Variants in AGBL4 observed in about 807,000 individuals in gnomAD.
AGBL4 encodes the protein cytosolic carboxypeptidase 6.
Under a neutral mutation model 66.4 loss-of-function variants are expected in AGBL4, and 58 were observed. The observed-to-expected ratio is 0.87, with a 90% CI of 0.71 to 1.09. AGBL4 has a LOEUF of 1.09. AGBL4 is among the 50% of genes least tolerant of loss of function. AGBL4 has a pLI of 0.00. For synonymous variants in AGBL4, 234 were observed against 222.9 expected (o/e 1.05, Z -0.44); for missense variants, 579 against 631.0 (o/e 0.92, Z 0.88).
chr1:49,494,369 C>A (rs1401371255), intron 3 of AGBL4, among the ~76,000 whole-genome samples: 5 of 151,904 alleles, frequency 3.3e-5, no homozygotes, highest in African/African-American at 1.2e-4. Flanking sequence ...TGGTGCGCTG[C>A]ACCCACTAAC....
At chr1:49,783,038 C>A (rs897165790) in intron 2 of AGBL4, among the ~76,000 whole-genome samples, 12 of 151,728 alleles carry the variant, frequency 7.9e-5, no homozygotes, top group Non-Finnish European at 1.6e-4. Flanking sequence ...CAGTACATAG[C>A]AAGAAGGCAC....
rs138184945 is a variant in AGBL4 at position 48,881,933 on chromosome 1, T to G, written c.595-14703A>C. Among the ~76,000 whole-genome samples the G allele has an allele frequency of 3.0e-3, 453 of 152,298 alleles. 2 individuals are homozygous for G. The highest frequency in any genetic ancestry group is 4.5e-3 in the Admixed American group (69 of 15,294). ...GAGGCTTTGAGAAAAGAGAGCCACA[T>G]TGGCTTTGCCTCATGTTCAAAAGGA... On this transcript the variant is annotated intron_variant, in intron 5 of 13. Transcript: ENST00000371839.
chr1:49,525,761 ACT>A (rs1414211536), intron 3 of AGBL4, among the ~76,000 whole-genome samples: 1 of 151,938 alleles, frequency 6.6e-6, no homozygotes, highest in African/African-American at 2.4e-5. Context: ...GTGAGGAGAC[ACT>A]CCACAGAAAC....
intron 4 of AGBL4, among the ~76,000 whole-genome samples, chr1:49,106,796 A>T (rs748254666): frequency 3.9e-5 from 6 of 152,108 alleles, no homozygotes; most frequent in Non-Finnish European, 7.4e-5. Flanking sequence ...TCTATGAAAG[A>T]CCTTAATATC....
intron 3 of AGBL4, among the ~76,000 whole-genome samples, chr1:49,531,873 T>C (rs916341837): frequency 6.6e-6 from 1 of 152,028 alleles, no homozygotes; most frequent in Non-Finnish European, 1.5e-5. Flanking sequence ...TAAGATAACA[T>C]AAAAACACAA....
chr1:49,681,153 G>A (rs759410282), intron 3 of AGBL4, among the ~76,000 whole-genome samples: 2 of 151,858 alleles, frequency 1.3e-5, no homozygotes, highest in Non-Finnish European at 2.9e-5. Context: ...TTTTTATGAT[G>A]GCTGCTTTAA....
intron 4 of AGBL4, among the ~76,000 whole-genome samples, chr1:49,196,911 T>G (rs1231692391): frequency 6.6e-6 from 1 of 152,104 alleles, no homozygotes; most frequent in Non-Finnish European, 1.5e-5. Flanking sequence ...ACTGCAGCCT[T>G]GACTTCCCCA....
In AGBL4 at chr1:49,824,371, C is replaced by T. The variant is rs553331115; in HGVS notation, c.157+27025G>A. Among the ~76,000 whole-genome samples the T allele has an allele frequency of 2.6e-5, 4 of 152,284 alleles. No individual in the cohort carries two copies. In the East Asian group the frequency reaches 7.7e-4, roughly 29 times the overall value. On this transcript the variant is annotated intron_variant, in intron 2 of 13. Coordinates refer to ENST00000371839, the MANE Select transcript of AGBL4 (RefSeq NM_032785.4). ...GCAACCTCTGTCCAAGGTAAAGATT[C>T]CTGCATTACAGTTAACAAGTGTTTA...
intron 3 of AGBL4, among the ~76,000 whole-genome samples, chr1:49,502,337 T>C (rs940962344): frequency 6.6e-6 from 1 of 152,148 alleles, no homozygotes. Flanking sequence ...TACTCCTTAA[T>C]AAACTCCTCT....
intron 3 of AGBL4, among the ~76,000 whole-genome samples, chr1:49,419,529 T>C (rs1380300457): frequency 6.6e-6 from 1 of 152,334 alleles, no homozygotes; most frequent in East Asian, 1.9e-4. Context: ...GGATCCCTGC[T>C]GATATCTTCT....
intron 3 of AGBL4, among the ~76,000 whole-genome samples, chr1:49,412,107 T>A (rs1019138760): frequency 6.6e-6 from 1 of 152,126 alleles, no homozygotes; most frequent in African/African-American, 2.4e-5. Context: ...ATAAAAAAAA[T>A]CTGTAGAAAG....
At chr1:48,654,591 G>A (rs558639360) in intron 7 of AGBL4, among the ~76,000 whole-genome samples, 7 of 152,344 alleles carry the variant, frequency 4.6e-5, no homozygotes, top group African/African-American at 7.2e-5. Context: ...CAAGAAAGGC[G>A]TCAAAAGGAA....
intron 3 of AGBL4, among the ~76,000 whole-genome samples, chr1:49,530,700 A>G (rs983886850): frequency 3.9e-5 from 6 of 152,032 alleles, no homozygotes; most frequent in Admixed American, 2.0e-4. Context: ...GCTTCTTGGG[A>G]CTTAGGGATT....
chr1:49,399,435 G>A (rs1221724105), intron 3 of AGBL4, among the ~76,000 whole-genome samples: 1 of 152,054 alleles, frequency 6.6e-6, no homozygotes, highest in Non-Finnish European at 1.5e-5. Flanking sequence ...TCTCCATAGT[G>A]GTTGTATTAA....
At chr1:49,950,171 TATACATATGTATATAC>T (rs1026319144) in intron 1 of AGBL4, among the ~76,000 whole-genome samples, 6 of 146,392 alleles carry the variant, frequency 4.1e-5, no homozygotes, top group African/African-American at 1.5e-4. Context: ...CACATATATA[TATACATATGTATATAC>T]ACATATGTAT....
At chr1:49,954,212 T>A (rs1273364658) in intron 1 of AGBL4, among the ~76,000 whole-genome samples, 1 of 152,060 alleles carries the variant, frequency 6.6e-6, no homozygotes, top group East Asian at 1.9e-4. Context: ...TATTTTTTAA[T>A]CTTCATTTCC....
At chr1:49,643,140 G>T (rs1359743279) in intron 3 of AGBL4, among the ~76,000 whole-genome samples, 1 of 151,886 alleles carries the variant, frequency 6.6e-6, no homozygotes, top group African/African-American at 2.4e-5. Flanking sequence ...AAATCAGATG[G>T]CTAGAGATAA....
chr1:49,436,806 T>C (rs1314545746), intron 3 of AGBL4, among the ~76,000 whole-genome samples: 5 of 152,162 alleles, frequency 3.3e-5, no homozygotes, highest in African/African-American at 1.2e-4. Flanking sequence ...AATAAACGTA[T>C]TCAACAATTT....
chr1:49,928,538 C>T (rs566463024), intron 1 of AGBL4, among the ~76,000 whole-genome samples: 2 of 152,006 alleles, frequency 1.3e-5, no homozygotes, highest in African/African-American at 2.4e-5. Context: ...CGTGAGCCAC[C>T]GCACCCGGGC....
Sources: gnomAD v4.1 joint callset for allele counts (sites outside exome capture counted in the v4.1 genomes callset) on GRCh38, gnomAD v4.1.1 for gene constraint, MANE v1.5 for transcripts, NCBI Gene and HGNC (gene_info 2026-07-23, HGNC 2026-07-21) for gene names.